BCAS4: variants seen among roughly 807,000 people sequenced by gnomAD.
The protein encoded by BCAS4 is breast carcinoma amplified sequence 4, also known as breast carcinoma-amplified sequence 4.
Under a neutral mutation model 15.7 loss-of-function variants are expected in BCAS4, and 9 were observed. The observed-to-expected ratio is 0.57, with a 90% CI of 0.34 to 1.00. The LOEUF (loss-of-function observed/expected upper bound fraction) is 1.00, where lower values mean the gene tolerates loss of function less well. Ranked by LOEUF, BCAS4 falls within the 50% of genes least tolerant of loss-of-function variation. BCAS4 has a pLI of 0.02. For missense variants in BCAS4, 225 were observed against 239.1 expected (o/e 0.94, Z 0.39); for synonymous variants, 101 against 99.5 (o/e 1.02, Z -0.09).
At chr20:50,833,558 C>T (rs913810916) in intron 3 of BCAS4, among the ~76,000 whole-genome samples, 6 of 152,186 alleles carry the variant, frequency 3.9e-5, no homozygotes, top group African/African-American at 7.2e-5. Flanking sequence ...GCCAAATGTC[C>T]CCTGGGGGGC....
At chr20:50,826,431 A>G (rs1174473972) in intron 2 of BCAS4, among the ~76,000 whole-genome samples, 1 of 152,220 alleles carries the variant, frequency 6.6e-6, no homozygotes, top group Non-Finnish European at 1.5e-5. Context: ...CTGACTTAAG[A>G]GAAGCTGTAG....
chr20:50,879,654 G>A (rs1980079343), downstream of BCAS4: 1 of 152,242 alleles, frequency 6.6e-6, no homozygotes, highest in Non-Finnish European at 1.5e-5. Flanking sequence ...TGAAACAGGG[G>A]CCAGGGAGAG....
chr20:50,859,723 T>C (rs1469645185), intron 4 of BCAS4, among the ~76,000 whole-genome samples: 1 of 152,110 alleles, frequency 6.6e-6, no homozygotes, highest in African/African-American at 2.4e-5. Flanking sequence ...GACGTGCTGG[T>C]GGCCTGGCGC....
intron 3 of BCAS4, chr20:50,832,682 C>CT (rs2088358625): frequency 6.6e-6 from 1 of 152,342 alleles, no homozygotes; most frequent in Non-Finnish European, 1.5e-5. Context: ...CTTTGCCTTT[C>CT]TTTGCCTCTT....
At chr20:50,855,573 G>C (rs1163057507) in intron 4 of BCAS4, among the ~76,000 whole-genome samples, 4 of 151,046 alleles carry the variant, frequency 2.6e-5, no homozygotes, top group Non-Finnish European at 5.9e-5. Flanking sequence ...TTCCTCCTCA[G>C]ACTGGAAGGG....
rs201477690 is a variant in BCAS4, at chr20:50,858,085, CT to C, written c.399+16186del. ...AGCCCCTGGGCCAGGCTTAACTCTG[CT>C]GCCAAACCTCCACCCCATCTTCATT... On this transcript the variant is annotated intron_variant, in intron 4 of 4. Transcript: ENST00000371608. Among the ~76,000 whole-genome samples the C allele has an allele frequency of 5.8e-3, 882 of 152,320 alleles. 5 individuals are homozygous for C. Among genetic ancestry groups the C allele is most frequent in the Middle Eastern group, 0.01 (3 of 294 alleles).
Position 50,876,633 on chromosome 20 carries a change from C to G in BCAS4, c.*25C>G, listed in dbSNP as rs771720331. 1 of 1,612,020 alleles carries G rather than the reference C, an allele frequency of 6.2e-7. No individual in the cohort carries two copies. The highest frequency in any genetic ancestry group is 1.3e-5 in the African/African-American group (1 of 74,932). On this transcript the variant is annotated 3_prime_UTR_variant, in exon 5 of 5. Coordinates refer to ENST00000371608, the MANE Select transcript of BCAS4 (RefSeq NM_198799.4). ...AGCTTTGTGGTCTTCCCATCAGGAA[C>G]GCTGGAAAGTGACATTGTGTACACA...
chr20:50,835,463 C>T (rs1472872756), intron 3 of BCAS4, among the ~76,000 whole-genome samples: 3 of 152,024 alleles, frequency 2.0e-5, no homozygotes, highest in Admixed American at 6.6e-5. Context: ...CCAGGATGGT[C>T]GTGATCTCTT....
chr20:50,871,364 A>G (rs189048790), intron 4 of BCAS4, among the ~76,000 whole-genome samples: 1,936 of 152,294 alleles, frequency 0.013, 45 homozygotes, highest in African/African-American at 0.044. Flanking sequence ...TGCCTCTGGG[A>G]AATGGTCCTG....
chr20:50,843,296 A>G (rs1261797064), intron 4 of BCAS4, among the ~76,000 whole-genome samples: 1 of 152,104 alleles, frequency 6.6e-6, no homozygotes, highest in Non-Finnish European at 1.5e-5. Context: ...TGCGTTAGGC[A>G]TTTTATATGC....
chr20:50,860,263 TC>T (rs1978999840), intron 4 of BCAS4, among the ~76,000 whole-genome samples: 1 of 152,050 alleles, frequency 6.6e-6, no homozygotes, highest in Non-Finnish European at 1.5e-5. Context: ...CATGCAGAGC[TC>T]CCCAGTCCGA....
chr20:50,829,327 C>G (rs912617337), intron 2 of BCAS4, among the ~76,000 whole-genome samples: 3 of 152,122 alleles, frequency 2.0e-5, no homozygotes, highest in African/African-American at 7.2e-5. Flanking sequence ...ACTGCAACCT[C>G]CGCCTCCCGG....
intron 4 of BCAS4, among the ~76,000 whole-genome samples, chr20:50,864,938 A>G (rs926601834): frequency 2.0e-5 from 3 of 151,810 alleles, no homozygotes; most frequent in East Asian, 2.0e-4. Context: ...TACTAAAAAT[A>G]TAAAACTAGC....
At chr20:50,822,828 T>C (rs1600861290) in intron 2 of BCAS4, among the ~76,000 whole-genome samples, 1 of 151,554 alleles carries the variant, frequency 6.6e-6, no homozygotes, top group South Asian at 2.1e-4. Context: ...GGTTTCACCA[T>C]GTTGGCCAGG....
chr20:50,873,522 TATC>T (rs1332578715), intron 4 of BCAS4, among the ~76,000 whole-genome samples: 2 of 152,350 alleles, frequency 1.3e-5, no homozygotes, highest in Admixed American at 6.5e-5. Context: ...ATTTTCTAGA[TATC>T]ATGACAGCCA....
intron 4 of BCAS4, among the ~76,000 whole-genome samples, chr20:50,856,391 A>G (rs1311975693): frequency 1.3e-5 from 2 of 152,148 alleles, no homozygotes; most frequent in African/African-American, 4.8e-5. Context: ...CCCAAAGTCA[A>G]GGTCAAAGTT....
intron 1 of BCAS4, among the ~76,000 whole-genome samples, chr20:50,807,482 C>T (rs1482464813): frequency 2.0e-5 from 3 of 152,250 alleles, no homozygotes; most frequent in Non-Finnish European, 4.4e-5. Context: ...GCATGGGCCA[C>T]TGCACCTGGA....
At chr20:50,813,009 G>T (rs558404874) in intron 1 of BCAS4, among the ~76,000 whole-genome samples, 1 of 151,894 alleles carries the variant, frequency 6.6e-6, no homozygotes, top group South Asian at 2.1e-4. Context: ...TGTAGAGACG[G>T]TGTCTCACTA....
At chr20:50,845,700 T>C (rs577258277) in intron 4 of BCAS4, among the ~76,000 whole-genome samples, 40 of 152,324 alleles carry the variant, frequency 2.6e-4, no homozygotes, top group East Asian at 1.7e-3. Context: ...CAGGGTGACC[T>C]GGCCATGTGG....
Sources: allele counts gnomAD v4.1 joint callset (sites outside exome capture counted in the v4.1 genomes callset), GRCh38; gene constraint gnomAD v4.1.1; transcripts MANE v1.5; gene names NCBI Gene and HGNC (gene_info 2026-07-23, HGNC 2026-07-21).